IQCM: variants seen among roughly 807,000 people sequenced by gnomAD.
IQCM encodes IQ domain-containing protein M.
IQCM carries 45 observed loss-of-function variants against 57.6 expected under a neutral mutation model. The observed-to-expected ratio is 0.78, with a 90% CI of 0.62 to 1.00. The LOEUF (loss-of-function observed/expected upper bound fraction) is 1.00. Among genes scored for constraint, IQCM ranks in the 50% least tolerant of loss-of-function variants. The pLI, the probability that IQCM is intolerant of heterozygous loss-of-function variation, is 0.00. For missense variants in IQCM, 468 were observed against 511.6 expected, an observed-to-expected ratio of 0.91 and a Z score of 0.82; for synonymous variants, 148 against 158.9, an observed-to-expected ratio of 0.93 and a Z score of 0.51.
At chr4:149,668,239 C>A (rs1379068953) in intron 7 of IQCM, among the ~76,000 whole-genome samples, 1 of 152,140 alleles carries the variant, frequency 6.6e-6, no homozygotes, top group Non-Finnish European at 1.5e-5. Flanking sequence ...TCTGCAGAAA[C>A]CCTACGAGCC....
chr4:149,402,500 A>G (rs1374364631), intron 13 of IQCM, among the ~76,000 whole-genome samples: 1 of 151,820 alleles, frequency 6.6e-6, no homozygotes, highest in African/African-American at 2.4e-5. Context: ...GCCATGATCA[A>G]TTATTTCTTC....
intron 12 of IQCM, among the ~76,000 whole-genome samples, chr4:149,528,732 CCA>C (rs1348230472): frequency 1.3e-5 from 2 of 152,040 alleles, no homozygotes; most frequent in East Asian, 3.9e-4. Context: ...TTCTCACATG[CCA>C]CAGTTTGTCT....
chr4:149,362,171 G>A (rs1410439780), intron 13 of IQCM, among the ~76,000 whole-genome samples: 1 of 152,102 alleles, frequency 6.6e-6, no homozygotes, highest in African/African-American at 2.4e-5. Flanking sequence ...TACCCCCATT[G>A]TATCTAGGGA....
intron 13 of IQCM, among the ~76,000 whole-genome samples, chr4:149,376,470 GT>G (rs1173217878): frequency 3.3e-5 from 5 of 152,014 alleles, no homozygotes; most frequent in African/African-American, 7.2e-5. Flanking sequence ...CATTCAATTA[GT>G]TTTTTTTAAG....
chr4:149,668,626 T>C (rs1029422669), intron 7 of IQCM, among the ~76,000 whole-genome samples: 10 of 152,130 alleles, frequency 6.6e-5, no homozygotes, highest in Admixed American at 2.0e-4. Context: ...ACCTGCACAT[T>C]CTGCACGTTT....
intron 5 of IQCM, among the ~76,000 whole-genome samples, chr4:149,697,890 G>A (rs1305783702): frequency 2.0e-5 from 3 of 152,018 alleles, no homozygotes; most frequent in Non-Finnish European, 4.4e-5. Context: ...CCCCTGGTAT[G>A]TTATGAGTTC....
chr4:149,648,804 G>A (rs377365183), intron 7 of IQCM, among the ~76,000 whole-genome samples: 3 of 151,974 alleles, frequency 2.0e-5, no homozygotes, highest in East Asian at 3.9e-4. Flanking sequence ...TGTAAATGAC[G>A]AGTTAATGGA....
At chr4:149,600,681 C>T (rs1459680557) in intron 8 of IQCM, among the ~76,000 whole-genome samples, 1 of 152,160 alleles carries the variant, frequency 6.6e-6, no homozygotes, top group Non-Finnish European at 1.5e-5. Flanking sequence ...TACAACTTGA[C>T]TATCACTCCT....
chr4:149,553,173 C>T lies in IQCM; in HGVS notation c.1063G>A (p.Glu355Lys). Residue 355 changes from glutamate to lysine, a missense_variant, in exon 11 of 14, where the codon GAG (glutamate) becomes AAG (lysine). Physicochemically the swap from Glu to Lys is moderately conservative, Grantham distance 56. Coordinates refer to ENST00000636793, the MANE Select transcript of IQCM (RefSeq NM_001363507.2). The part of the protein sequence containing the change: ...WRTRQILNLA[E>K]LEEWMDRKKF... ...TTTCGGTCCATCCACTCCTCTAGCT[C>T]TGCTAAGTTGAGAATTTGTCTTGTC... is the stretch of plus-strand genomic sequence containing the variant. 8.1e-7 allele frequency: 1 copy of T among 1,232,006 alleles called. No homozygotes were observed. Among genetic ancestry groups the T allele is most frequent in the Non-Finnish European group, 1.0e-6 (1 of 987,878 alleles). 76.3% of individuals were successfully genotyped at this position (1,232,006 alleles called of 1,614,324 possible).
intron 2 of IQCM, among the ~76,000 whole-genome samples, chr4:149,785,814 A>G (rs1176342571): frequency 1.4e-5 from 2 of 145,342 alleles, no homozygotes; most frequent in East Asian, 2.2e-4. Context: ...AACCCTTTAA[A>G]AATGTAAAAA....
At chr4:149,776,932 C>A (rs545959143) in intron 2 of IQCM, among the ~76,000 whole-genome samples, 1 of 152,054 alleles carries the variant, frequency 6.6e-6, no homozygotes, top group Non-Finnish European at 1.5e-5. Flanking sequence ...AGAAATTTTT[C>A]TAATTTCTGT....
At chr4:149,734,329 A>C (rs1766733510) in intron 4 of IQCM, among the ~76,000 whole-genome samples, 1 of 152,178 alleles carries the variant, frequency 6.6e-6, no homozygotes, top group Admixed American at 6.5e-5. Context: ...TCAAGTTTCT[A>C]AGGCACATCT....
chr4:149,442,951 CACAGAGAGAGAG>C (rs1445332216), intron 12 of IQCM, among the ~76,000 whole-genome samples: 2,926 of 111,080 alleles, frequency 0.026, 36 homozygotes, highest in Middle Eastern at 0.044. Flanking sequence ...CACACACACA[CACAGAGAGAGAG>C]AGAGAGAGAG....
intron 9 of IQCM, among the ~76,000 whole-genome samples, chr4:149,565,904 C>A (rs1460433342): frequency 6.6e-6 from 1 of 152,054 alleles, no homozygotes; most frequent in African/African-American, 2.4e-5. Context: ...CTATCATTTT[C>A]TTTCACTCTC....
intron 13 of IQCM, among the ~76,000 whole-genome samples, chr4:149,413,615 G>C (rs754020121): frequency 6.6e-6 from 1 of 152,168 alleles, no homozygotes; most frequent in African/African-American, 2.4e-5. Context: ...AAAACAAAGA[G>C]CAGTGTCTAA....
At chr4:149,583,151 C>A (rs1215632314) in intron 9 of IQCM, among the ~76,000 whole-genome samples, 1 of 151,362 alleles carries the variant, frequency 6.6e-6, no homozygotes, top group Non-Finnish European at 1.5e-5. Context: ...TTCCAGTATG[C>A]TACAAAATAG....
intron 9 of IQCM, among the ~76,000 whole-genome samples, chr4:149,579,919 C>A (rs1752019051): frequency 6.6e-6 from 1 of 151,720 alleles, no homozygotes; most frequent in Admixed American, 6.6e-5. Context: ...TAGCAGAAAG[C>A]AACTAAGTCA....
chr4:149,356,496 T>C (rs576709042), intron 13 of IQCM, among the ~76,000 whole-genome samples: 3 of 152,154 alleles, frequency 2.0e-5, no homozygotes, highest in East Asian at 3.9e-4. Flanking sequence ...ATTTATTAAA[T>C]AGGGAATCCT....
chr4:149,496,112 A>G (rs1208636130), intron 12 of IQCM, among the ~76,000 whole-genome samples: 1 of 152,094 alleles, frequency 6.6e-6, no homozygotes, highest in East Asian at 1.9e-4. Flanking sequence ...AGTCTTCTCT[A>G]AAAAGAGAGT....
Sources: allele counts gnomAD v4.1 joint callset (sites outside exome capture counted in the v4.1 genomes callset), GRCh38; gene constraint gnomAD v4.1.1; transcripts MANE v1.5; gene names NCBI Gene and HGNC (gene_info 2026-07-23, HGNC 2026-07-21).